GHR: variants seen among roughly 807,000 people sequenced by gnomAD.
GHR encodes the protein GH receptor.
In GHR, 35 loss-of-function variants were observed where a neutral mutation model predicts 67.1. The observed-to-expected ratio is 0.52, with a 90% CI of 0.40 to 0.69. The LOEUF (loss-of-function observed/expected upper bound fraction) is 0.69, where lower values mean the gene tolerates loss of function less well. GHR is among the 30% of genes least tolerant of loss of function. The pLI is 0.00. For synonymous variants in GHR, 272 were observed against 269.1 expected (o/e 1.01, Z -0.10); for missense variants, 792 against 764.6 (o/e 1.04, Z -0.42).
At chr5:42,551,553 TCC>T (rs1204157333) in intron 1 of GHR, among the ~76,000 whole-genome samples, 2 of 152,166 alleles carry the variant, frequency 1.3e-5, no homozygotes, top group African/African-American at 4.8e-5. Flanking sequence ...GGTAGAATCC[TCC>T]CTCATGGTGA....
At chr5:42,531,818 T>C (rs992424931) in intron 1 of GHR, among the ~76,000 whole-genome samples, 2 of 152,146 alleles carry the variant, frequency 1.3e-5, no homozygotes, top group African/African-American at 4.8e-5. Context: ...TGACTAAACA[T>C]GACTCCATGG....
rs184177041 is a variant in GHR, at chr5:42,575,433, G to A, written c.70+9489G>A. On this transcript the variant is annotated intron_variant, in intron 2 of 9. Coordinates refer to ENST00000230882, the MANE Select transcript of GHR (RefSeq NM_000163.5). ...TTAGAAAATGGTCCAGGGAGAAAGC[G>A]ATAGGAGAGTCAGAAAATGAGACGG... 3.2e-3 allele frequency among the ~76,000 whole-genome samples: 485 copies of A among 152,214 alleles called. 2 individuals carry two copies. The highest frequency in any genetic ancestry group is 6.8e-3 in the Middle Eastern group (2 of 294).
At position 42,507,442 on chromosome 5, in the gene GHR, G is replaced by A. The variant is rs139370706; in HGVS notation, c.-11-58422G>A. ...ATGAATGAATGATCACATTACACATGCTTGGGATTTGATTTCCTTCCTCTG... is the reference window on the plus strand; with the variant it reads ...ATGAATGAATGATCACATTACACATACTTGGGATTTGATTTCCTTCCTCTG... On this transcript the variant is annotated intron_variant, in intron 1 of 9. Coordinates refer to ENST00000230882, the MANE Select transcript of GHR (RefSeq NM_000163.5). Among the ~76,000 whole-genome samples, 378 of 152,292 alleles carry A rather than the reference G, an allele frequency of 2.5e-3. 2 individuals carry two copies. The highest frequency in any genetic ancestry group is 8.7e-3 in the African/African-American group (363 of 41,556).
In GHR at chr5:42,719,565, A is replaced by G; in HGVS notation, c.*141A>G. The G allele has an allele frequency of 1.3e-6, 1 of 771,694 alleles. No individual in the cohort carries two copies. The highest frequency in any genetic ancestry group is 2.5e-5 in the East Asian group (1 of 39,670). The allele number at this position is 771,694 out of a possible 1,614,324, so 47.8% of individuals were successfully genotyped here. A position where few individuals can be genotyped will look rare whatever the true frequency, so the allele number is the denominator to read the frequency against. Reference sequence around the variant, plus strand: ...TGGATTCTAAAATGCCTTTTCCCAAAATGTTGAAATATGATGTTAAAAAAA... The same window carrying G: ...TGGATTCTAAAATGCCTTTTCCCAAGATGTTGAAATATGATGTTAAAAAAA... On this transcript the variant is annotated 3_prime_UTR_variant, in exon 10 of 10. Transcript: ENST00000230882.
chr5:42,467,352 C>T (rs1344488904), intron 1 of GHR: 17 of 1,011,944 alleles, frequency 1.7e-5, no homozygotes, highest in East Asian at 4.9e-5. Flanking sequence ...TTGCAATCTG[C>T]GTAAAGGCTT....
intron 1 of GHR, among the ~76,000 whole-genome samples, chr5:42,532,589 T>C (rs1467897970): frequency 6.6e-6 from 1 of 152,198 alleles, no homozygotes; most frequent in Admixed American, 6.5e-5. Flanking sequence ...CTGTCTTGCA[T>C]AGGTATTTAT....
rs1322576451 is a variant in GHR, at chr5:42,668,272, C to G, written c.137-20618C>G. Among the ~76,000 whole-genome samples the G allele has an allele frequency of 3.3e-5, 5 of 152,216 alleles. No individual in the cohort carries two copies. The East Asian group carries it at 7.7e-4, about 23-fold the overall frequency. On this transcript the variant is annotated intron_variant, in intron 3 of 9. Coordinates refer to ENST00000230882, the MANE Select transcript of GHR (RefSeq NM_000163.5). ...CTTTCAATTTTTATTTCACTCGGTA[C>G]ATATTTAAATTTTGAAGAATTATTT...
At chr5:42,626,095 A>G (rs1753687096) in intron 2 of GHR, among the ~76,000 whole-genome samples, 1 of 152,164 alleles carries the variant, frequency 6.6e-6, no homozygotes, top group Non-Finnish European at 1.5e-5. Flanking sequence ...ATCGGAACTT[A>G]GTCCTCGGTG....
chr5:42,473,885 A>G (rs1745120079), intron 1 of GHR, among the ~76,000 whole-genome samples: 1 of 151,478 alleles, frequency 6.6e-6, no homozygotes, highest in Middle Eastern at 3.5e-3. Flanking sequence ...AAAAAAAAAA[A>G]AAAAAGAAAA....
At chr5:42,500,376 G>T (rs1448367905) in intron 1 of GHR, among the ~76,000 whole-genome samples, 1 of 152,230 alleles carries the variant, frequency 6.6e-6, no homozygotes, top group East Asian at 1.9e-4. Context: ...TTTAAATCTG[G>T]GTTCTGCCCT....
chr5:42,589,412 CAAG>C (rs1255599521), intron 2 of GHR, among the ~76,000 whole-genome samples: 1 of 152,096 alleles, frequency 6.6e-6, no homozygotes, highest in African/African-American at 2.4e-5. Context: ...AGTCTTTGCC[CAAG>C]AAGAAGAAAA....
chr5:42,503,447 A>T (rs1165754400), intron 1 of GHR, among the ~76,000 whole-genome samples: 1 of 152,236 alleles, frequency 6.6e-6, no homozygotes, highest in East Asian at 1.9e-4. Context: ...TGGTTGAAAG[A>T]AATGTGATAT....
At chr5:42,661,635 A>T (rs1046468869) in intron 3 of GHR, among the ~76,000 whole-genome samples, 1 of 152,246 alleles carries the variant, frequency 6.6e-6, no homozygotes, top group African/African-American at 2.4e-5. Context: ...AACAGGTACC[A>T]GCCACTGCAA....
At chr5:42,538,827 G>A (rs1748377549) in intron 1 of GHR, among the ~76,000 whole-genome samples, 3 of 151,884 alleles carry the variant, frequency 2.0e-5, no homozygotes, top group Admixed American at 6.6e-5. Flanking sequence ...TCTTAGGTTT[G>A]GTCGTTTAAC....
chr5:42,676,769 G>T (rs1287304972), intron 3 of GHR, among the ~76,000 whole-genome samples: 1 of 152,136 alleles, frequency 6.6e-6, no homozygotes, highest in African/African-American at 2.4e-5. Context: ...GGGGCTTAAG[G>T]TACTTTTAAT....
intron 3 of GHR, among the ~76,000 whole-genome samples, chr5:42,674,662 G>A (rs760306749): frequency 1.2e-4 from 18 of 152,062 alleles, no homozygotes; most frequent in African/African-American, 1.4e-4. Flanking sequence ...AAGGTCATTC[G>A]TGTTGTAGCA....
intron 1 of GHR, among the ~76,000 whole-genome samples, chr5:42,449,523 T>C (rs148780821): frequency 0.012 from 1,763 of 152,296 alleles, 18 homozygotes; most frequent in Non-Finnish European, 0.017. Flanking sequence ...TTATCAGATC[T>C]AGGAGCTTTT....
At chr5:42,536,663 G>A (rs1352091629) in intron 1 of GHR, among the ~76,000 whole-genome samples, 4 of 152,050 alleles carry the variant, frequency 2.6e-5, no homozygotes, top group African/African-American at 9.7e-5. Flanking sequence ...TGGTATTAGG[G>A]TGATGCTGGC....
At position 42,616,367 on chromosome 5, in the gene GHR, G is replaced by T. The variant is rs186957130; in HGVS notation, c.71-12671G>T. Among the ~76,000 whole-genome samples the T allele has an allele frequency of 9.5e-4, 145 of 152,218 alleles. 1 individual carries two copies. Among genetic ancestry groups the T allele is most frequent in the African/African-American group, 3.4e-3 (142 of 41,560 alleles). The stretch of plus-strand genomic sequence containing the variant: ...TGAAAGAACTTGTTGATGGTTAAAT[G>T]AGTTGGAAGGAGTTAGAGAAAGCAA... On this transcript the variant is annotated intron_variant, in intron 2 of 9. Transcript: ENST00000230882.
Sources: allele counts gnomAD v4.1 joint callset (sites outside exome capture counted in the v4.1 genomes callset), GRCh38; gene constraint gnomAD v4.1.1; transcripts MANE v1.5; gene names NCBI Gene and HGNC (gene_info 2026-07-23, HGNC 2026-07-21).